HIVEP3: variants seen among roughly 807,000 people sequenced by gnomAD.
HIVEP3 encodes HIVEP zinc finger 3.
Under a neutral mutation model 152.8 loss-of-function variants are expected in HIVEP3, and 49 were observed. The observed-to-expected ratio is 0.32, with a 90% confidence interval of 0.26 to 0.41. HIVEP3 has a LOEUF of 0.41. Ranked by LOEUF, HIVEP3 falls within the 10% of genes least tolerant of loss-of-function variation. HIVEP3 has a pLI of 1.00. For synonymous variants in HIVEP3, 1,269 were observed against 1,289.0 expected (o/e 0.98, Z 0.33); for missense variants, 2,790 against 3,103.3 (o/e 0.90, Z 2.40).
intron 1 of HIVEP3, among the ~76,000 whole-genome samples, chr1:41,713,782 T>G (rs1646549510): frequency 6.6e-6 from 1 of 152,230 alleles, no homozygotes; most frequent in Non-Finnish European, 1.5e-5. Flanking sequence ...AACTTGGCTT[T>G]CTATTGTTTT....
chr1:41,816,138 T>C (rs1651251164), intron 1 of HIVEP3, among the ~76,000 whole-genome samples: 1 of 152,158 alleles, frequency 6.6e-6, no homozygotes, highest in South Asian at 2.1e-4. Context: ...TCCCAAGTCT[T>C]GTCCACTCCA....
At chr1:41,839,419 A>G (rs1168084679) in intron 1 of HIVEP3, among the ~76,000 whole-genome samples, 2 of 152,174 alleles carry the variant, frequency 1.3e-5, no homozygotes. Context: ...ACTCTCACGT[A>G]CTGAAAACAG....
At chr1:41,749,071 G>A (rs1288579479) in intron 1 of HIVEP3, among the ~76,000 whole-genome samples, 1 of 152,202 alleles carries the variant, frequency 6.6e-6, no homozygotes, top group African/African-American at 2.4e-5. Flanking sequence ...CCCTGTTAGA[G>A]ACAGAACAAG....
Position 41,829,422 on chromosome 1 carries a change from C to T in HIVEP3, c.-801+88991G>A, listed in dbSNP as rs1237341277. The stretch of plus-strand genomic sequence containing the variant: ...CTCTGTCTCCACCCTACCTCTGTTG[C>T]TTATCCCAGGCCCTGAAAATGGCCC... On this transcript the variant is annotated intron_variant, in intron 1 of 8. Coordinates refer to ENST00000372583, the MANE Select transcript of HIVEP3 (RefSeq NM_024503.5). Among the ~76,000 whole-genome samples the T allele has an allele frequency of 6.6e-5, 10 of 152,258 alleles. No individual in the cohort carries two copies. In the East Asian group the frequency reaches 1.2e-3, roughly 18 times the overall value.
intron 1 of HIVEP3, among the ~76,000 whole-genome samples, chr1:41,735,162 A>G (rs1463142735): frequency 6.6e-6 from 1 of 152,246 alleles, no homozygotes; most frequent in Non-Finnish European, 1.5e-5. Flanking sequence ...TGAGGCTCAG[A>G]GAGGTGGAAT....
chr1:41,715,437 A>C (rs1465597249), intron 1 of HIVEP3, among the ~76,000 whole-genome samples: 1 of 151,942 alleles, frequency 6.6e-6, no homozygotes, highest in East Asian at 1.9e-4. Context: ...AAGCCTGGGG[A>C]GGGTGGGAAG....
intron 1 of HIVEP3, among the ~76,000 whole-genome samples, chr1:41,801,719 G>A (rs887598328): frequency 2.6e-5 from 4 of 151,858 alleles, no homozygotes; most frequent in Non-Finnish European, 5.9e-5. Flanking sequence ...ACTCCGGCCT[G>A]GGGCACAGAG....
At chr1:41,878,203 A>C (rs1644200887) in intron 1 of HIVEP3, among the ~76,000 whole-genome samples, 1 of 152,228 alleles carries the variant, frequency 6.6e-6, no homozygotes, top group African/African-American at 2.4e-5. Flanking sequence ...ATACGAATTA[A>C]GCACCATGAG....
intron 1 of HIVEP3, among the ~76,000 whole-genome samples, chr1:41,829,860 G>C (rs1371742801): frequency 6.6e-6 from 1 of 151,182 alleles, no homozygotes; most frequent in Non-Finnish European, 1.5e-5. Flanking sequence ...CTGTAAAGCG[G>C]AAAGATCTGT....
rs755309824 is a variant in HIVEP3 at position 41,580,642 on chromosome 1, C to T, written c.4156G>A (p.Glu1386Lys). ...VGPGPSGLSE[E>K]QSRAFPTPYL... is the part of the protein sequence containing the mutation. ...GGAGTTGGGAAAGCTCTGCTTTGCTCTTCACTTAACCCAGAAGGGCCGGGC... is the reference window on the plus strand; with the variant it reads ...GGAGTTGGGAAAGCTCTGCTTTGCTTTTCACTTAACCCAGAAGGGCCGGGC... Residue 1386 changes from glutamate (E) to lysine (K), a missense_variant, in exon 4 of 9, where the codon GAG becomes AAG. By Grantham distance (56) the Glu-to-Lys change is moderately conservative. Around this residue, in one of 9 missense-constraint regions of HIVEP3, gnomAD observed 1,078 missense variants for 1,165.3 expected, o/e 0.93. Transcript: ENST00000372583. 1.9e-6 allele frequency: 3 copies of T among 1,613,976 alleles called. No individual in the cohort carries two copies.
At position 41,562,570 on chromosome 1, in the gene HIVEP3, CTTCTT is replaced by C. The variant is rs1484687744; in HGVS notation, c.5207+12969_5207+12973del. Among the ~76,000 whole-genome samples, 5 of 139,922 alleles carry C rather than the reference CTTCTT, an allele frequency of 3.6e-5. No individual in the cohort carries two copies. In the East Asian group the frequency reaches 8.6e-4, roughly 24 times the overall value. The allele number at this position is 139,922 out of a possible 152,430, so 91.8% of individuals were successfully genotyped here. On this transcript the variant is annotated intron_variant, in intron 5 of 8. Coordinates refer to ENST00000372583, the MANE Select transcript of HIVEP3 (RefSeq NM_024503.5). ...CCTTCCTTCCTTCTTTCCTTCTTTC[CTTCTT>C]TTCCTTCCTTCCTTCCTTCCTTTCT... is the stretch of plus-strand genomic sequence containing the variant.
intron 5 of HIVEP3, among the ~76,000 whole-genome samples, chr1:41,536,350 C>T (rs1183046325): frequency 2.9e-4 from 44 of 152,062 alleles, no homozygotes; most frequent in Admixed American, 2.8e-3. Context: ...TCCAGCACAC[C>T]GACAGAGCGG....
intron 1 of HIVEP3, among the ~76,000 whole-genome samples, chr1:42,010,998 T>C (rs1472453895): frequency 6.6e-6 from 1 of 152,208 alleles, no homozygotes; most frequent in African/African-American, 2.4e-5. Context: ...CATTTAGTTC[T>C]AGGACACGGT....
intron 1 of HIVEP3, among the ~76,000 whole-genome samples, chr1:41,771,606 G>A (rs1231997855): frequency 6.6e-6 from 1 of 152,140 alleles, no homozygotes; most frequent in African/African-American, 2.4e-5. Context: ...GGAAGCAGGA[G>A]GAGTTGGATT....
intron 1 of HIVEP3, among the ~76,000 whole-genome samples, chr1:41,765,071 A>C (rs1177406415): frequency 6.6e-6 from 1 of 152,194 alleles, no homozygotes; most frequent in Non-Finnish European, 1.5e-5. Flanking sequence ...TGGATCTTGC[A>C]ATCTCTTTTA....
intron 1 of HIVEP3, among the ~76,000 whole-genome samples, chr1:41,930,842 T>C (rs1431724558): frequency 2.0e-5 from 3 of 152,152 alleles, no homozygotes; most frequent in East Asian, 1.9e-4. Flanking sequence ...TGATAGTTCA[T>C]TGTGGTTTTA....
At chr1:41,656,789 A>G (rs1645635160) in intron 2 of HIVEP3, among the ~76,000 whole-genome samples, 1 of 152,222 alleles carries the variant, frequency 6.6e-6, no homozygotes, top group Non-Finnish European at 1.5e-5. Context: ...AATGCAGCAA[A>G]TTACACAGTG....
chr1:41,828,455 G>A (rs539241970), intron 1 of HIVEP3, among the ~76,000 whole-genome samples: 1 of 152,212 alleles, frequency 6.6e-6, no homozygotes, highest in East Asian at 1.9e-4. Context: ...CCTTTTGACT[G>A]TTTCCAAAAT....
intron 1 of HIVEP3, among the ~76,000 whole-genome samples, chr1:41,742,976 G>A (rs1262732330): frequency 6.6e-6 from 1 of 152,156 alleles, no homozygotes; most frequent in Non-Finnish European, 1.5e-5. Flanking sequence ...AATGGGGATC[G>A]TAACAGAACT....
Sources: allele counts gnomAD v4.1 joint callset (sites outside exome capture counted in the v4.1 genomes callset), GRCh38; gene constraint gnomAD v4.1.1; regional missense constraint gnomAD v4.1.1; transcripts MANE v1.5; gene names NCBI Gene and HGNC (gene_info 2026-07-23, HGNC 2026-07-21).